Variants in LAMA3 observed in about 807,000 individuals in gnomAD.
The protein encoded by LAMA3 is laminin subunit alpha-3.
A neutral mutation model predicts 402.0 loss-of-function variants in LAMA3; 281 were observed. The ratio of observed to expected loss-of-function variants is 0.70; its 90% CI spans 0.63 to 0.77. The LOEUF is 0.77. Ranked by LOEUF, LAMA3 falls within the 30% of genes least tolerant of loss-of-function variation. The pLI, the probability that LAMA3 is intolerant of heterozygous loss-of-function variation, is 0.00. For synonymous variants in LAMA3, 1,431 were observed against 1,558.4 expected (o/e 0.92, Z 1.93); for missense variants, 3,840 against 4,215.5 (o/e 0.91, Z 2.47).
intron 37 of LAMA3, 44 bp from the exon 38 acceptor site, chr18:23,871,387 G>A: frequency 2.6e-6 from 4 of 1,554,700 alleles, no homozygotes; most frequent in Non-Finnish European, 3.6e-6. Flanking sequence ...CCCTGGAAGT[G>A]AGCCTGCCTA....
At chr18:23,775,954 C>T in intron 10 of LAMA3, 31 bp downstream of exon 10, 2 of 1,613,644 alleles carry the variant, frequency 1.2e-6, no homozygotes, top group Non-Finnish European at 1.7e-6. Context: ...AAGAGGCCAC[C>T]CTTTTTGGTC....
chr18:23,927,263 G>T (rs751947975), intron 62 of LAMA3, among the ~76,000 whole-genome samples: 1 of 152,110 alleles, frequency 6.6e-6, no homozygotes, highest in Admixed American at 6.6e-5. Flanking sequence ...TCCGCCTCCC[G>T]GGTTCAGATG....
At chr18:23,756,408 A>G (rs2061843644) in intron 6 of LAMA3, among the ~76,000 whole-genome samples, 1 of 149,324 alleles carries the variant, frequency 6.7e-6, no homozygotes, top group African/African-American at 2.5e-5. Context: ...TCAATGCCGC[A>G]CAAACGACGG....
At chr18:23,840,265 G>A (rs1193890332) in intron 27 of LAMA3, among the ~76,000 whole-genome samples, 1 of 151,740 alleles carries the variant, frequency 6.6e-6, no homozygotes, top group African/African-American at 2.4e-5. Context: ...GGCCCATATT[G>A]TGATAGCTTA....
rs1159824104 is a variant in LAMA3 at position 23,833,819 on chromosome 18, CTG to C, written c.2824-6_2824-5del. On this transcript the variant is annotated splice_polypyrimidine_tract_variant and splice_region_variant and intron_variant, in intron 23 of 74. Transcript: ENST00000313654. ...GGATCACAGTCTGTCTGCTTGGCCT[CTG>C]TGACAGGTGGAATTGCATCTGCGGC... 3 of 1,612,496 alleles carry C rather than the reference CTG, an allele frequency of 1.9e-6. No individual in the cohort carries two copies. The African/African-American group carries it at 4.0e-5, about 22-fold the overall frequency.
intron 34 of LAMA3, among the ~76,000 whole-genome samples, chr18:23,860,570 T>C (rs950922360): frequency 4.0e-5 from 6 of 151,532 alleles, no homozygotes; most frequent in African/African-American, 1.2e-4. Context: ...TCTTTGGGCA[T>C]TTTTAAAATT....
At position 23,909,263 on chromosome 18, in the gene LAMA3, C is replaced by G; in HGVS notation, c.7126C>G (p.Leu2376Val). ...ISDNMDRIRE[L>V]IQQARDAASK... is the part of the protein sequence containing the mutation. The stretch of plus-strand genomic sequence containing the variant: ...TGACAACATGGACAGAATACGAGAA[C>G]TAATTCAGCAGGCCAGAGATGCTGC... The change falls in exon 55 of 75, where the codon CTA becomes GTA. Residue 2376 changes from leucine to valine, a missense_variant. By Grantham distance (32) the Leu-to-Val change is conservative. This residue lies in a region of LAMA3 where 891 missense variants were observed against 857.5 expected (regional missense o/e 1.04). Coordinates refer to ENST00000313654, the MANE Select transcript of LAMA3 (RefSeq NM_198129.4). 6.2e-7 allele frequency: 1 copy of G among 1,613,342 alleles called. No individual in the cohort carries two copies. Among genetic ancestry groups the G allele is most frequent in the East Asian group, 2.2e-5 (1 of 44,886 alleles).
chr18:23,933,804 C>T lies in LAMA3; in HGVS notation c.8731C>T (p.Leu2911=), dbSNP rs1131521. Residue 2911 remains leucine (L), a synonymous_variant, in exon 67 of 75, where the codon CTA becomes TTA. Coordinates refer to ENST00000313654, the MANE Select transcript of LAMA3 (RefSeq NM_198129.4). ...VQRLSLSPEV[L]DLTSNSLKRD... ...CAGGTTATCACTGAGTCCTGAAGTC[C>T]TAGATTTGACCAGTAACTCTCTCAA... The T allele has an allele frequency of 0.2, 317,203 of 1,613,476 alleles. 32,634 individuals carry two copies. The highest frequency in any genetic ancestry group is 0.24 in the South Asian group (21,693 of 91,066).
intron 23 of LAMA3, among the ~76,000 whole-genome samples, chr18:23,831,536 C>T (rs554736324): frequency 1.2e-4 from 19 of 152,086 alleles, no homozygotes; most frequent in East Asian, 5.8e-4. Context: ...GGAAGCCTTC[C>T]GCTCTCCCTC....
At chr18:23,771,149 G>A (rs2062190787) in intron 8 of LAMA3, among the ~76,000 whole-genome samples, 1 of 152,168 alleles carries the variant, frequency 6.6e-6, no homozygotes, top group Admixed American at 6.5e-5. Flanking sequence ...ACTAGAAATA[G>A]CCCAGGTGAC....
At chr18:23,860,829 A>T (rs1187827712) in intron 34 of LAMA3, among the ~76,000 whole-genome samples, 4 of 149,358 alleles carry the variant, frequency 2.7e-5, no homozygotes, top group Non-Finnish European at 5.9e-5. Flanking sequence ...GAGTAGCTGG[A>T]ATTACAGGCA....
chr18:23,874,627 G>C (rs2064645116), intron 38 of LAMA3, among the ~76,000 whole-genome samples: 1 of 152,236 alleles, frequency 6.6e-6, no homozygotes, highest in Admixed American at 6.5e-5. Flanking sequence ...TCTCCTGTCA[G>C]GTGGCTTCTT....
chr18:23,946,269 A>G lies in LAMA3; in HGVS notation c.9336A>G (p.Pro3112=). ...IRAPVYLGSP[P]SGKPKSLPTN... ...CGCCAGTTTACCTGGGATCACCTCC[A>G]TCAGGGAAACCAAAGGTAAATAGTT... is the stretch of plus-strand genomic sequence containing the variant. Residue 3112 remains proline, a synonymous_variant, in exon 70 of 75, where the codon CCA becomes CCG. Coordinates refer to ENST00000313654, the MANE Select transcript of LAMA3 (RefSeq NM_198129.4). The G allele has an allele frequency of 6.2e-7, 1 of 1,614,190 alleles. No homozygotes were observed. The highest frequency in any genetic ancestry group is 2.2e-5 in the East Asian group (1 of 44,886).
Position 23,833,958 on chromosome 18 carries a change from G to T in LAMA3, c.2954G>T (p.Gly985Val). The change falls in exon 24 of 75, where the codon GGC becomes GTC. Residue 985 changes from glycine (G) to valine (V), a missense_variant. This residue lies in a region of LAMA3 where 2,109 missense variants were observed against 2,376.0 expected (regional missense o/e 0.89). Transcript: ENST00000313654. ...NVKSSGSVLAGQVNIYSCNYS... is the reference protein window; with the variant it reads ...NVKSSGSVLAVQVNIYSCNYS... ...AAGAGCTCCGGGTCTGTTCTGGCAGGCCAGGTGAACATTTACAGCTGCAAC... is the reference window on the plus strand; with the variant it reads ...AAGAGCTCCGGGTCTGTTCTGGCAGTCCAGGTGAACATTTACAGCTGCAAC... 3 of 1,614,242 alleles carry T rather than the reference G, an allele frequency of 1.9e-6. No individual in the cohort carries two copies. Among genetic ancestry groups the T allele is most frequent in the Non-Finnish European group, 2.5e-6 (3 of 1,180,046 alleles).
intron 12 of LAMA3, among the ~76,000 whole-genome samples, chr18:23,791,688 C>T (rs1027140352): frequency 3.0e-4 from 43 of 145,376 alleles, no homozygotes; most frequent in African/African-American, 7.9e-4. Context: ...GAGCTGAGAT[C>T]GCACCACTGG....
At chr18:23,927,412 A>G (rs949313409) in intron 62 of LAMA3, among the ~76,000 whole-genome samples, 7 of 152,126 alleles carry the variant, frequency 4.6e-5, no homozygotes, top group Middle Eastern at 3.4e-3. Flanking sequence ...CAAGTGATCC[A>G]CCTGACTTGG....
intron 2 of LAMA3, among the ~76,000 whole-genome samples, chr18:23,730,673 C>T (rs1386984797): frequency 6.6e-6 from 1 of 151,946 alleles, no homozygotes; most frequent in Non-Finnish European, 1.5e-5. Flanking sequence ...AGGCTTCACT[C>T]TTTTTTTCTT....
chr18:23,901,880 G>A (rs1280355361), intron 48 of LAMA3, among the ~76,000 whole-genome samples: 2 of 152,162 alleles, frequency 1.3e-5, no homozygotes, highest in Non-Finnish European at 2.9e-5. Flanking sequence ...TTTTAGTAGA[G>A]ACGGGGTTTC....
chr18:23,766,385 T>C (rs1010383153), intron 8 of LAMA3, among the ~76,000 whole-genome samples: 2 of 151,874 alleles, frequency 1.3e-5, no homozygotes, highest in Non-Finnish European at 2.9e-5. Context: ...GTAGATAAAA[T>C]AAAACTAAGA....
Sources: gnomAD v4.1 joint callset for allele counts (sites outside exome capture counted in the v4.1 genomes callset) on GRCh38, gnomAD v4.1.1 for gene constraint, gnomAD v4.1.1 regional missense constraint, MANE v1.5 for transcripts, NCBI Gene and HGNC (gene_info 2026-07-23, HGNC 2026-07-21) for gene names.